The following ONECUT2 variants were observed in gnomAD, a reference collection of about 807,000 sequenced individuals.
ONECUT2 encodes one cut homeobox 2, also known as one cut domain family member 2.
ONECUT2 carries 10 observed loss-of-function variants against 27.9 expected under a neutral mutation model. That is an observed-to-expected ratio of 0.36 (90% CI 0.22 to 0.61). The LOEUF is 0.61. ONECUT2 is among the 20% of genes least tolerant of loss of function. The pLI, the probability that ONECUT2 is intolerant of heterozygous loss-of-function variation, is 0.73. For synonymous variants in ONECUT2, 334 were observed against 315.1 expected (o/e 1.06, Z -0.64); for missense variants, 686 against 721.0 (o/e 0.95, Z 0.56).
rs911266329 is a variant in ONECUT2, at chr18:57,485,623, T to A, written c.*8900T>A. The A allele has an allele frequency of 1.3e-5, 2 of 152,202 alleles. No homozygotes were observed. Among genetic ancestry groups the A allele is most frequent in the Non-Finnish European group, 2.9e-5 (2 of 68,038 alleles). 9.4% of individuals were successfully genotyped at this position (152,202 alleles called of 1,614,324 possible). ...ATCTGCCTCTAGTCCATATGGCTCTTTTTGAGTGCTAGTATTTTGCATTTC... is the reference window on the plus strand; with the variant it reads ...ATCTGCCTCTAGTCCATATGGCTCTATTTGAGTGCTAGTATTTTGCATTTC... On this transcript the variant is annotated 3_prime_UTR_variant, in exon 2 of 2. Coordinates refer to ENST00000491143, the MANE Select transcript of ONECUT2 (RefSeq NM_004852.3).
chr18:57,454,075 T>C (rs1179060638), intron 1 of ONECUT2, among the ~76,000 whole-genome samples: 3 of 152,228 alleles, frequency 2.0e-5, no homozygotes, highest in African/African-American at 7.2e-5. Context: ...AACTGCTTTT[T>C]GTTGCATTGT....
At chr18:57,464,057 T>A (rs1003569440) in intron 1 of ONECUT2, among the ~76,000 whole-genome samples, 1 of 152,142 alleles carries the variant, frequency 6.6e-6, no homozygotes, top group African/African-American at 2.4e-5. Context: ...CTGAAGACGC[T>A]GTTAAGTAAA....
chr18:57,478,780 C>G lies in ONECUT2; in HGVS notation c.*2057C>G, dbSNP rs1279369005. On this transcript the variant is annotated 3_prime_UTR_variant, in exon 2 of 2. Transcript: ENST00000491143. ...TACCAAAGATGAGGATTTCTCACAC[C>G]TTTTGTTTCAGTTCATTATCTCCTC... 1.3e-5 allele frequency: 2 copies of G among 152,590 alleles called. No individual in the cohort carries two copies. Among genetic ancestry groups the G allele is most frequent in the Non-Finnish European group, 2.9e-5 (2 of 68,040 alleles). 9.5% of individuals were successfully genotyped at this position (152,590 alleles called of 1,614,324 possible).
intron 1 of ONECUT2, among the ~76,000 whole-genome samples, chr18:57,451,736 C>T (rs867609043): frequency 1.3e-5 from 2 of 152,120 alleles, no homozygotes; most frequent in Non-Finnish European, 2.9e-5. Context: ...GGAAAATTCA[C>T]AGCAGAGACA....
At chr18:57,440,768 G>A (rs1361936020) in intron 1 of ONECUT2, among the ~76,000 whole-genome samples, 1 of 152,164 alleles carries the variant, frequency 6.6e-6, no homozygotes, top group Non-Finnish European at 1.5e-5. Context: ...CCGAGGAAAC[G>A]GACCCCCTTC....
chr18:57,467,226 T>C (rs1316114676), intron 1 of ONECUT2: 5 of 456,216 alleles, frequency 1.1e-5, no homozygotes, highest in Non-Finnish European at 2.2e-5. Flanking sequence ...CGACAGTAAG[T>C]GGACACTGGG....
rs937421617 is a variant in ONECUT2 at position 57,479,508 on chromosome 18, G to A, written c.*2785G>A. The A allele has an allele frequency of 6.6e-6, 1 of 152,588 alleles. No individual in the cohort carries two copies. The highest frequency in any genetic ancestry group is 1.5e-5 in the Non-Finnish European group (1 of 68,022). The allele number at this position is 152,588 out of a possible 1,614,324, so 9.5% of individuals were successfully genotyped here. A position where few individuals can be genotyped will look rare whatever the true frequency, so the allele number is the denominator to read the frequency against. ...ATTCCAGAGTTAATTTGCCACTGTG[G>A]ATGATTTGAAGTATTCAGATCTCTA... On this transcript the variant is annotated 3_prime_UTR_variant, in exon 2 of 2. Coordinates refer to ENST00000491143, the MANE Select transcript of ONECUT2 (RefSeq NM_004852.3).
chr18:57,467,945 C>T (rs6566882), intron 1 of ONECUT2, among the ~76,000 whole-genome samples: 37,555 of 152,136 alleles, frequency 0.25, 5,120 homozygotes, highest in African/African-American at 0.36. Context: ...CCTCTTGCTC[C>T]GCCATTCTCC....
chr18:57,443,239 G>A (rs1055191675), intron 1 of ONECUT2, among the ~76,000 whole-genome samples: 1 of 152,200 alleles, frequency 6.6e-6, no homozygotes, highest in Non-Finnish European at 1.5e-5. Flanking sequence ...GGGAAATTAG[G>A]AGGGAATAAA....
Position 57,436,920 on chromosome 18 carries a change from C to G in ONECUT2, c.1204C>G (p.Arg402Gly), listed in dbSNP as rs1317953880. 1 of 1,608,518 alleles carries G rather than the reference C, an allele frequency of 6.2e-7. No individual in the cohort carries two copies. The change falls in exon 1 of 2, where the codon CGC becomes GGC. Residue 402 changes from arginine to glycine, a missense_variant. Physicochemically the swap from Arg to Gly is moderately radical, Grantham distance 125. Around this residue, in one of 4 missense-constraint regions of ONECUT2, gnomAD observed 51 missense variants for 41.3 expected, o/e 1.23. Coordinates refer to ENST00000491143, the MANE Select transcript of ONECUT2 (RefSeq NM_004852.3). This position sits in a 1 kb window ranked among gnomAD's most constrained non-coding sequence, Gnocchi z 5.9. The part of the protein sequence containing the change: ...WKWLQEPEFQ[R>G]MSALRLAACK... ...GTGGCTTCAGGAGCCCGAGTTCCAG[C>G]GCATGTCCGCCTTACGCCTGGCAGG...
intron 1 of ONECUT2, among the ~76,000 whole-genome samples, chr18:57,461,068 A>AC (rs2050288542): frequency 6.6e-6 from 1 of 151,936 alleles, no homozygotes; most frequent in Non-Finnish European, 1.5e-5. Flanking sequence ...ATTTCTAGCT[A>AC]CTTGTTACTG....
At chr18:57,459,805 C>T (rs887003050) in intron 1 of ONECUT2, among the ~76,000 whole-genome samples, 4 of 152,174 alleles carry the variant, frequency 2.6e-5, no homozygotes, top group African/African-American at 9.7e-5. Flanking sequence ...ATGATCCACC[C>T]GCCTCAGCCT....
In ONECUT2 at chr18:57,477,431, A is replaced by T. The variant is rs2050390039; in HGVS notation, c.*708A>T. 2.0e-5 allele frequency: 3 copies of T among 152,452 alleles called. No homozygotes were observed. The highest frequency in any genetic ancestry group is 7.3e-5 in the African/African-American group (3 of 41,370). The allele number at this position is 152,452 out of a possible 1,614,324, so 9.4% of individuals were successfully genotyped here. A position where few individuals can be genotyped will look rare whatever the true frequency, so the allele number is the denominator to read the frequency against. On this transcript the variant is annotated 3_prime_UTR_variant, in exon 2 of 2. Transcript: ENST00000491143. ...TTTTTTTTTTCTTTACCTCCTGGAA[A>T]TCTCATATGGTCTTGGATCCGTCAA...
rs568597223 is a variant in ONECUT2, at chr18:57,437,958, G to A, written c.1228+1014G>A. 3.9e-5 allele frequency among the ~76,000 whole-genome samples: 6 copies of A among 152,390 alleles called. No homozygotes were observed. The East Asian group carries it at 9.6e-4, about 24-fold the overall frequency. On this transcript the variant is annotated intron_variant, in intron 1 of 1. Coordinates refer to ENST00000491143, the MANE Select transcript of ONECUT2 (RefSeq NM_004852.3). The stretch of plus-strand genomic sequence containing the variant: ...CGACCGCGGGGAGGACTGGCGGCCC[G>A]CGGGAGGGGACGGGTAGAGGCGCGG...
chr18:57,444,515 C>T (rs1050253666), intron 1 of ONECUT2: 7 of 445,138 alleles, frequency 1.6e-5, no homozygotes, highest in Admixed American at 7.2e-5. Flanking sequence ...GAGCATGAAG[C>T]TGTGCCCTAC....
At position 57,485,875 on chromosome 18, in the gene ONECUT2, A is replaced by G. The variant is rs1206693085; in HGVS notation, c.*9152A>G. On this transcript the variant is annotated 3_prime_UTR_variant, in exon 2 of 2. Coordinates refer to ENST00000491143, the MANE Select transcript of ONECUT2 (RefSeq NM_004852.3). ...TCCTGTCCAAACAAGCTCAAGGCCC[A>G]TCTTCTCCCTATACAAGGCAAACCT... The G allele has an allele frequency of 6.6e-6, 1 of 152,256 alleles. No individual in the cohort carries two copies. Among genetic ancestry groups the G allele is most frequent in the Non-Finnish European group, 1.5e-5 (1 of 68,052 alleles). The allele number at this position is 152,256 out of a possible 1,614,324, so 9.4% of individuals were successfully genotyped here. A position where few individuals can be genotyped will look rare whatever the true frequency, so the allele number is the denominator to read the frequency against.
rs1321736619 is a variant in ONECUT2, at chr18:57,481,980, G to T, written c.*5257G>T. The stretch of plus-strand genomic sequence containing the variant: ...AGTGGAAATGGTAGATGAAGAAGGG[G>T]TAGAGCTGGTGTATCTATAACTTTC... On this transcript the variant is annotated 3_prime_UTR_variant, in exon 2 of 2. Transcript: ENST00000491143. The T allele has an allele frequency of 6.6e-6, 1 of 152,184 alleles. No homozygotes were observed. The highest frequency in any genetic ancestry group is 2.4e-5 in the African/African-American group (1 of 41,454). 9.4% of individuals were successfully genotyped at this position (152,184 alleles called of 1,614,324 possible).
At chr18:57,470,437 C>G (rs2050346944) in intron 1 of ONECUT2, among the ~76,000 whole-genome samples, 1 of 152,146 alleles carries the variant, frequency 6.6e-6, no homozygotes, top group Non-Finnish European at 1.5e-5. Context: ...AATGGGAATC[C>G]ATACCTCTGC....
chr18:57,471,873 C>T lies in ONECUT2; in HGVS notation c.1229-4564C>T, dbSNP rs187041655. On this transcript the variant is annotated intron_variant, in intron 1 of 1. Transcript: ENST00000491143. Reference sequence around the variant, plus strand: ...TGTGGTCCTACATAGGACCTGCTTCCCTGTGAGAGGGAGGGAGCTCAAGAA... The same window carrying T: ...TGTGGTCCTACATAGGACCTGCTTCTCTGTGAGAGGGAGGGAGCTCAAGAA... 4.2e-4 allele frequency among the ~76,000 whole-genome samples: 64 copies of T among 152,244 alleles called. No individual in the cohort carries two copies. The East Asian group carries it at 9.3e-3, about 22-fold the overall frequency.
Sources: allele counts gnomAD v4.1 joint callset (sites outside exome capture counted in the v4.1 genomes callset), GRCh38; gene constraint gnomAD v4.1.1; regional missense constraint gnomAD v4.1.1; non-coding constraint Gnocchi (gnomAD v3.1); transcripts MANE v1.5; gene names NCBI Gene and HGNC (gene_info 2026-07-23, HGNC 2026-07-21).